Variants in ARHGAP28 observed in about 807,000 individuals in gnomAD.
ARHGAP28 encodes rho GTPase-activating protein 28.
A neutral mutation model predicts 90.7 loss-of-function variants in ARHGAP28; 56 were observed. That is an observed-to-expected ratio of 0.62 (90% CI 0.50 to 0.77). ARHGAP28 has a LOEUF of 0.77. Ranked by LOEUF, ARHGAP28 falls within the 30% of genes least tolerant of loss-of-function variation. The pLI is 0.00. For missense variants in ARHGAP28, 869 were observed against 900.9 expected (o/e 0.96, Z 0.45); for synonymous variants, 308 against 323.3 (o/e 0.95, Z 0.51).
At chr18:6,835,455 G>C (rs2056746156) in intron 2 of ARHGAP28, among the ~76,000 whole-genome samples, 1 of 152,052 alleles carries the variant, frequency 6.6e-6, no homozygotes, top group Non-Finnish European at 1.5e-5. Context: ...GAACAATTAA[G>C]ATAGCAAATT....
At chr18:6,878,074 G>T (rs141788922) in intron 10 of ARHGAP28, among the ~76,000 whole-genome samples, 1 of 151,952 alleles carries the variant, frequency 6.6e-6, no homozygotes, top group African/African-American at 2.4e-5. Flanking sequence ...CTAAATCACC[G>T]AAAGGAGAAA....
At chr18:6,840,982 C>T (rs541549281) in intron 3 of ARHGAP28, among the ~76,000 whole-genome samples, 35 of 152,068 alleles carry the variant, frequency 2.3e-4, no homozygotes, top group African/African-American at 7.0e-4. Flanking sequence ...CTAAAAAATT[C>T]GGCATCTGTT....
At chr18:6,785,033 C>T (rs1474868855) in intron 1 of ARHGAP28, among the ~76,000 whole-genome samples, 2 of 152,014 alleles carry the variant, frequency 1.3e-5, no homozygotes, top group East Asian at 3.9e-4. Flanking sequence ...AAAGGAAATT[C>T]GTGGAGAAAA....
intron 1 of ARHGAP28, among the ~76,000 whole-genome samples, chr18:6,762,243 T>G (rs1280739001): frequency 6.6e-6 from 1 of 152,188 alleles, no homozygotes; most frequent in East Asian, 1.9e-4. Flanking sequence ...GTGATTTTTC[T>G]AAAATACAAG....
intron 2 of ARHGAP28, among the ~76,000 whole-genome samples, chr18:6,835,744 T>C (rs1333612245): frequency 1.3e-5 from 2 of 152,122 alleles, no homozygotes; most frequent in Non-Finnish European, 2.9e-5. Flanking sequence ...GGTTTTTGAA[T>C]TTTCTTCTGA....
Position 6,905,706 on chromosome 18 carries a change from G to A in ARHGAP28, c.2031-3254G>A, listed in dbSNP as rs184911481. 4.9e-4 allele frequency among the ~76,000 whole-genome samples: 75 copies of A among 152,188 alleles called. No homozygotes were observed. In the Middle Eastern group the frequency reaches 0.017, roughly 35 times the overall value. ...ATAAGTCAGTTCAGTAAGATCACAG[G>A]ATACAAGATTAACACACAAAAATCA... On this transcript the variant is annotated intron_variant, in intron 16 of 17. Coordinates refer to ENST00000383472, the MANE Select transcript of ARHGAP28 (RefSeq NM_001366230.1).
chr18:6,861,926 T>A (rs889144887), intron 5 of ARHGAP28, among the ~76,000 whole-genome samples: 5 of 152,204 alleles, frequency 3.3e-5, no homozygotes, highest in Non-Finnish European at 7.3e-5. Flanking sequence ...CAGGGTAAGT[T>A]AATCACCCAG....
intron 1 of ARHGAP28, among the ~76,000 whole-genome samples, chr18:6,750,775 C>A (rs2056062413): frequency 1.3e-5 from 2 of 152,190 alleles, no homozygotes. Flanking sequence ...TTCTAAGGCT[C>A]TACCTCCAAA....
At chr18:6,831,488 C>CTTTTTTTTTTTTTTTTTTTTTTTTTT (rs76200243) in intron 2 of ARHGAP28, among the ~76,000 whole-genome samples, 1 of 69,618 alleles carries the variant, frequency 1.4e-5, no homozygotes, top group African/African-American at 4.8e-5. Flanking sequence ...TTTTTTTTTT[C>CTTTTTTTTTTTTTTTTTTTTTTTTTT]TTTTTTTTTT....
chr18:6,845,261 T>A (rs2056857476), intron 3 of ARHGAP28, among the ~76,000 whole-genome samples: 1 of 152,158 alleles, frequency 6.6e-6, no homozygotes, highest in Non-Finnish European at 1.5e-5. Flanking sequence ...AAATTTTTTA[T>A]AGAGATGAGG....
At chr18:6,838,985 A>G (rs1448903211) in intron 3 of ARHGAP28, among the ~76,000 whole-genome samples, 1 of 152,176 alleles carries the variant, frequency 6.6e-6, no homozygotes, top group Non-Finnish European at 1.5e-5. Flanking sequence ...TCCGTATCAG[A>G]TGTTCTTATT....
chr18:6,798,184 A>T (rs1467998886), intron 1 of ARHGAP28, among the ~76,000 whole-genome samples: 1 of 152,176 alleles, frequency 6.6e-6, no homozygotes, highest in African/African-American at 2.4e-5. Context: ...AACTAATTAT[A>T]AATTATTGGG....
At chr18:6,828,216 C>T (rs1246089043) in intron 2 of ARHGAP28, among the ~76,000 whole-genome samples, 1 of 152,286 alleles carries the variant, frequency 6.6e-6, no homozygotes, top group African/African-American at 2.4e-5. Flanking sequence ...TCAGGCGTGG[C>T]GGCACGCGCC....
chr18:6,785,287 A>G (rs1367733337), intron 1 of ARHGAP28, among the ~76,000 whole-genome samples: 1 of 152,246 alleles, frequency 6.6e-6, no homozygotes, highest in Non-Finnish European at 1.5e-5. Context: ...CTTTTAAAAA[A>G]GAAACAGTGG....
chr18:6,802,690 T>C (rs910130740), intron 1 of ARHGAP28, among the ~76,000 whole-genome samples: 1 of 152,138 alleles, frequency 6.6e-6, no homozygotes, highest in African/African-American at 2.4e-5. Flanking sequence ...TATACACTTT[T>C]TCATAGTGAC....
Position 6,824,974 on chromosome 18 carries a change from T to A in ARHGAP28, c.325+10T>A, listed in dbSNP as rs907606896. 1 of 1,526,594 alleles carries A rather than the reference T, an allele frequency of 6.6e-7. No homozygotes were observed. The highest frequency in any genetic ancestry group is 1.4e-5 in the African/African-American group (1 of 72,710). 94.6% of individuals were successfully genotyped at this position (1,526,594 alleles called of 1,614,324 possible). A position where few individuals can be genotyped will look rare whatever the true frequency, so the allele number is the denominator to read the frequency against. On this transcript the variant is annotated intron_variant, in intron 2 of 17. Transcript: ENST00000383472. Reference sequence around the variant, plus strand: ...GTCACACCTGTGGATGGTAAGTTGCTGGATTTGTCTTCCTATGTGCTGACT... The same window carrying A: ...GTCACACCTGTGGATGGTAAGTTGCAGGATTTGTCTTCCTATGTGCTGACT...
Position 6,834,600 on chromosome 18 carries a change from T to A in ARHGAP28, c.326-2597T>A, listed in dbSNP as rs77419088. ...TCATTTGAAAGGGCTCATTTAGTTA[T>A]AATATGGATAATAGATTAGAAGGGG... is the stretch of plus-strand genomic sequence containing the variant. On this transcript the variant is annotated intron_variant, in intron 2 of 17. Transcript: ENST00000383472. 1,289 of 152,300 alleles carry A rather than the reference T, an allele frequency of 8.5e-3. 10 individuals carry two copies. The highest frequency in any genetic ancestry group is 0.016 in the Admixed American group (241 of 15,290). 9.4% of individuals were successfully genotyped at this position (152,300 alleles called of 1,614,324 possible).
chr18:6,764,567 C>T (rs1296832349), intron 1 of ARHGAP28, among the ~76,000 whole-genome samples: 2 of 152,132 alleles, frequency 1.3e-5, no homozygotes, highest in African/African-American at 2.4e-5. Flanking sequence ...TTGTAATAAC[C>T]CCTCTTCAGG....
intron 11 of ARHGAP28, among the ~76,000 whole-genome samples, chr18:6,886,190 T>C (rs2057219818): frequency 6.6e-6 from 1 of 152,220 alleles, no homozygotes; most frequent in Non-Finnish European, 1.5e-5. Flanking sequence ...CACCAGCAGC[T>C]GACTGCCTTC....
Sources: allele counts gnomAD v4.1 joint callset (sites outside exome capture counted in the v4.1 genomes callset), GRCh38; gene constraint gnomAD v4.1.1; transcripts MANE v1.5; gene names NCBI Gene and HGNC (gene_info 2026-07-23, HGNC 2026-07-21).